TRPM3: variants seen among roughly 807,000 people sequenced by gnomAD.
TRPM3 encodes the protein long transient receptor potential channel 3.
TRPM3 carries 77 observed loss-of-function variants against 181.2 expected under a neutral mutation model. That is an observed-to-expected ratio of 0.42 (90% confidence interval 0.35 to 0.51). The LOEUF (loss-of-function observed/expected upper bound fraction) is 0.51. Ranked by LOEUF, TRPM3 falls within the 20% of genes least tolerant of loss-of-function variation. The pLI is 0.01. For synonymous variants in TRPM3, 745 were observed against 796.4 expected (o/e 0.94, Z 1.09); for missense variants, 1,759 against 2,196.7 (o/e 0.80, Z 3.98).
intron 1 of TRPM3, among the ~76,000 whole-genome samples, chr9:71,403,413 T>C (rs1336632679): frequency 6.6e-6 from 1 of 152,150 alleles, no homozygotes; most frequent in East Asian, 1.9e-4. Context: ...TAAGAAAGTA[T>C]GTATAAAGAC....
intron 1 of TRPM3, among the ~76,000 whole-genome samples, chr9:71,370,271 C>CTAGAAATAAT: frequency 6.6e-6 from 1 of 152,218 alleles, no homozygotes; most frequent in East Asian, 1.9e-4. Flanking sequence ...AAATAAAAAA[C>CTAGAAATAAT]TAGAAATAAT....
chr9:70,664,109 A>T (rs1055392718), intron 9 of TRPM3, among the ~76,000 whole-genome samples: 2 of 152,212 alleles, frequency 1.3e-5, no homozygotes, highest in African/African-American at 4.8e-5. Context: ...AAGTTAATAG[A>T]CTTAGCAGGT....
chr9:71,009,723 GA>G (rs528839280), intron 1 of TRPM3, among the ~76,000 whole-genome samples: 5 of 151,538 alleles, frequency 3.3e-5, no homozygotes, highest in East Asian at 1.9e-4. Context: ...CACAGAAATA[GA>G]AAAAAAATAA....
intron 1 of TRPM3, among the ~76,000 whole-genome samples, chr9:70,901,289 T>A (rs879724890): frequency 2.6e-4 from 40 of 152,338 alleles, no homozygotes; most frequent in African/African-American, 8.2e-4. Flanking sequence ...TAATGGCCTT[T>A]TAAGCATTAG....
At chr9:70,613,581 A>C (rs1003608521) in intron 18 of TRPM3, among the ~76,000 whole-genome samples, 1 of 152,228 alleles carries the variant, frequency 6.6e-6, no homozygotes, top group Non-Finnish European at 1.5e-5. Context: ...AGAATTTGCC[A>C]TCAGAGTCAA....
intron 1 of TRPM3, among the ~76,000 whole-genome samples, chr9:71,239,035 T>A (rs1454568375): frequency 6.6e-6 from 1 of 152,132 alleles, no homozygotes; most frequent in Admixed American, 6.6e-5. Flanking sequence ...TCTCTTGTTC[T>A]TGAGATCACC....
chr9:71,013,481 C>A (rs904250654), intron 1 of TRPM3, among the ~76,000 whole-genome samples: 57 of 151,054 alleles, frequency 3.8e-4, no homozygotes, highest in African/African-American at 1.3e-3. Flanking sequence ...TTTTGTATTT[C>A]TATGCTGTGA....
chr9:71,296,058 G>C (rs1015528770), intron 1 of TRPM3, among the ~76,000 whole-genome samples: 1 of 151,970 alleles, frequency 6.6e-6, no homozygotes, highest in Non-Finnish European at 1.5e-5. Context: ...TGTGAAAATG[G>C]TACAAAAATA....
intron 9 of TRPM3, among the ~76,000 whole-genome samples, chr9:70,680,148 A>G (rs1270247401): frequency 2.0e-5 from 3 of 152,236 alleles, no homozygotes; most frequent in Non-Finnish European, 4.4e-5. Context: ...GAGGGGTCAC[A>G]TGGTATAGTG....
intron 1 of TRPM3, among the ~76,000 whole-genome samples, chr9:71,228,031 A>T (rs191314655): frequency 3.9e-5 from 6 of 152,326 alleles, no homozygotes; most frequent in Admixed American, 2.6e-4. Context: ...GACACATCAA[A>T]AAAGAAAACT....
chr9:70,540,315 T>C (rs570619024), intron 25 of TRPM3, among the ~76,000 whole-genome samples: 3 of 152,312 alleles, frequency 2.0e-5, no homozygotes, highest in Admixed American at 2.0e-4. Context: ...CTTCTCCCTT[T>C]CTCTCTGGAG....
intron 1 of TRPM3, among the ~76,000 whole-genome samples, chr9:71,046,177 G>T (rs954485866): frequency 6.6e-6 from 1 of 151,980 alleles, no homozygotes; most frequent in Non-Finnish European, 1.5e-5. Flanking sequence ...AGTAGAGATG[G>T]GGTTTCACTA....
chr9:71,359,084 T>C (rs1398274821), intron 1 of TRPM3, among the ~76,000 whole-genome samples: 1 of 152,202 alleles, frequency 6.6e-6, no homozygotes, highest in Non-Finnish European at 1.5e-5. Flanking sequence ...ATCTAAGCAC[T>C]AAGAACTAGG....
intron 24 of TRPM3, among the ~76,000 whole-genome samples, chr9:70,552,031 G>A (rs1762298700): frequency 1.3e-5 from 2 of 152,198 alleles, no homozygotes; most frequent in African/African-American, 2.4e-5. Flanking sequence ...CACACAGAGG[G>A]AAGTAGACTC....
intron 1 of TRPM3, chr9:70,917,436 C>T: frequency 1.2e-6 from 1 of 803,120 alleles, no homozygotes; most frequent in Non-Finnish European, 2.2e-6. Context: ...ATGAACTCGG[C>T]CAGACTGGAG....
At chr9:71,311,685 A>C (rs558545739) in intron 1 of TRPM3, among the ~76,000 whole-genome samples, 23 of 152,238 alleles carry the variant, frequency 1.5e-4, no homozygotes, top group African/African-American at 4.8e-4. Flanking sequence ...AAGAAAAAAA[A>C]ATCTAGATCA....
At chr9:71,100,215 A>C (rs899663798) in intron 1 of TRPM3, among the ~76,000 whole-genome samples, 2 of 152,184 alleles carry the variant, frequency 1.3e-5, no homozygotes, top group African/African-American at 2.4e-5. Context: ...TTAATCAACT[A>C]CAATAACTCA....
At chr9:70,905,140 A>G (rs2096444055) in intron 1 of TRPM3, among the ~76,000 whole-genome samples, 1 of 152,214 alleles carries the variant, frequency 6.6e-6, no homozygotes, top group African/African-American at 2.4e-5. Context: ...TACAAATGCA[A>G]TGTGGGTCAT....
chr9:71,391,450 A>T (rs1399025340), intron 1 of TRPM3, among the ~76,000 whole-genome samples: 1 of 152,078 alleles, frequency 6.6e-6, no homozygotes, highest in Non-Finnish European at 1.5e-5. Flanking sequence ...TTTCCTCAAC[A>T]AAATAGTGAT....
Sources: gnomAD v4.1 joint callset for allele counts (sites outside exome capture counted in the v4.1 genomes callset) on GRCh38, gnomAD v4.1.1 for gene constraint, MANE v1.5 for transcripts, NCBI Gene and HGNC (gene_info 2026-07-23, HGNC 2026-07-21) for gene names.